NXPE2: variants seen among roughly 807,000 people sequenced by gnomAD.
NXPE2 encodes neurexophilin and PC-esterase domain family member 2.
NXPE2 carries 34 observed loss-of-function variants against 34.4 expected under a neutral mutation model. The observed-to-expected ratio is 0.99, with a 90% CI of 0.75 to 1.31. The LOEUF (loss-of-function observed/expected upper bound fraction) is 1.31, where lower values mean the gene tolerates loss of function less well. Among genes scored for constraint, NXPE2 ranks in the 40% most tolerant of loss-of-function variants. The pLI is 0.00. For missense variants in NXPE2, 649 were observed against 672.5 expected (o/e 0.97, Z 0.39); for synonymous variants, 235 against 231.3 (o/e 1.02, Z -0.15).
the NXPE2 span, chr11:114,552,115 A>G: frequency 6.6e-6 from 1 of 152,210 alleles, no homozygotes; most frequent in East Asian, 1.9e-4. Context: ...GTGAGAGAAC[A>G]AAGGATCAGT....
the NXPE2 span, chr11:114,581,849 C>A: frequency 1.8e-6 from 2 of 1,091,218 alleles, no homozygotes; most frequent in South Asian, 2.7e-5. Context: ...CATACAGAAA[C>A]TAGATTATCC....
the NXPE2 span, among the ~76,000 whole-genome samples, chr11:114,524,257 C>T: frequency 8.8e-6 from 1 of 113,534 alleles, no homozygotes; most frequent in Non-Finnish European, 1.7e-5. Flanking sequence ...AAAGGATAGC[C>T]ATGGGTCTAG....
the NXPE2 span, among the ~76,000 whole-genome samples, chr11:114,738,671 A>G: frequency 6.6e-6 from 1 of 152,144 alleles, no homozygotes; most frequent in African/African-American, 2.4e-5. Context: ...CTTCAACTAT[A>G]ATGAATGTAC....
At chr11:114,782,400 G>T in the NXPE2 span, among the ~76,000 whole-genome samples, 41 of 152,210 alleles carry the variant, frequency 2.7e-4, no homozygotes, top group African/African-American at 9.9e-4. Flanking sequence ...TTACTCCAAG[G>T]CATGGCTTCA....
chr11:114,726,891 A>G, the NXPE2 span, among the ~76,000 whole-genome samples: 6 of 152,092 alleles, frequency 3.9e-5, no homozygotes, highest in South Asian at 6.2e-4. Context: ...CATGTGAGAC[A>G]TAATCAGAAT....
the NXPE2 span, among the ~76,000 whole-genome samples, chr11:114,506,956 G>T: frequency 8.6e-5 from 13 of 151,794 alleles, no homozygotes; most frequent in African/African-American, 2.7e-4. Context: ...CTGGTTTTTT[G>T]AAAAAATTAA....
At chr11:114,682,147 G>A (rs567966287) in intron 2 of NXPE2, among the ~76,000 whole-genome samples, 1 of 152,232 alleles carries the variant, frequency 6.6e-6, no homozygotes, top group South Asian at 2.1e-4. Flanking sequence ...TTCCAAAATT[G>A]TATAAACAAT....
chr11:114,684,709 A>C (rs1014468647), intron 2 of NXPE2, among the ~76,000 whole-genome samples: 17 of 152,144 alleles, frequency 1.1e-4, no homozygotes, highest in Admixed American at 5.2e-4. Context: ...CAGAGGCTCC[A>C]AAAATTTTCC....
the NXPE2 span, among the ~76,000 whole-genome samples, chr11:114,730,079 G>A: frequency 6.6e-6 from 1 of 152,096 alleles, no homozygotes; most frequent in Non-Finnish European, 1.5e-5. Flanking sequence ...TAATTCTTGT[G>A]TATGGTGAAA....
chr11:114,509,461 CACAT>C, the NXPE2 span, among the ~76,000 whole-genome samples: 1 of 152,268 alleles, frequency 6.6e-6, no homozygotes, highest in African/African-American at 2.4e-5. Context: ...GTTATAAAGA[CACAT>C]GCATGCATAT....
At chr11:114,571,625 T>C in the NXPE2 span, 1 of 750,336 alleles carries the variant, frequency 1.3e-6, no homozygotes, top group Non-Finnish European at 2.1e-6. Context: ...TTTTTGAAAA[T>C]TATTTGAACA....
At chr11:114,761,101 A>G in the NXPE2 span, among the ~76,000 whole-genome samples, 1 of 152,184 alleles carries the variant, frequency 6.6e-6, no homozygotes, top group Non-Finnish European at 1.5e-5. Context: ...AAGATCCCAG[A>G]TACTTTGAAA....
At chr11:114,498,163 T>C in the NXPE2 span, among the ~76,000 whole-genome samples, 1 of 152,110 alleles carries the variant, frequency 6.6e-6, no homozygotes, top group East Asian at 1.9e-4. Context: ...TTAAACTAAT[T>C]ATCTTACTGA....
intron 2 of NXPE2, among the ~76,000 whole-genome samples, chr11:114,689,748 G>A (rs1228987035): frequency 6.6e-6 from 1 of 152,126 alleles, no homozygotes; most frequent in African/African-American, 2.4e-5. Flanking sequence ...AGATCTAGAA[G>A]TAATTGTTTT....
the NXPE2 span, among the ~76,000 whole-genome samples, chr11:114,720,842 T>A: frequency 1.3e-5 from 2 of 152,302 alleles, no homozygotes; most frequent in East Asian, 3.9e-4. Context: ...GTTGAGCTCA[T>A]GATTTTGTAC....
the NXPE2 span, among the ~76,000 whole-genome samples, chr11:114,781,771 TCACCTCCACCAGGAGTA>T: frequency 2.0e-5 from 3 of 152,106 alleles, no homozygotes; most frequent in South Asian, 2.1e-4. Context: ...CCTTCCTCCT[TCACCTCCACCAGGAGTA>T]CAAACAGACT....
chr11:114,751,491 A>C, the NXPE2 span, among the ~76,000 whole-genome samples: 1 of 152,224 alleles, frequency 6.6e-6, no homozygotes, highest in South Asian at 2.1e-4. Context: ...AAAAGTGACA[A>C]AACCTACCTA....
the NXPE2 span, among the ~76,000 whole-genome samples, chr11:114,727,138 A>T: frequency 6.6e-6 from 1 of 152,020 alleles, no homozygotes; most frequent in African/African-American, 2.4e-5. Flanking sequence ...ACTTCTTGGT[A>T]CCAATTTTTG....
chr11:114,698,973 A>C (rs1164975719), intron 3 of NXPE2, among the ~76,000 whole-genome samples, 195 bp downstream of exon 3: 1 of 152,186 alleles, frequency 6.6e-6, no homozygotes, highest in Non-Finnish European at 1.5e-5. Context: ...ATTTGCTGAC[A>C]GGAGTATAAC....
Sources: allele counts gnomAD v4.1 joint callset (sites outside exome capture counted in the v4.1 genomes callset), GRCh38; gene constraint gnomAD v4.1.1; transcripts MANE v1.5; gene names NCBI Gene and HGNC (gene_info 2026-07-23, HGNC 2026-07-21).